The following VRK2 variants were observed in gnomAD, a reference collection of about 807,000 sequenced individuals.
VRK2 encodes the protein serine/threonine-protein kinase VRK2.
Under a neutral mutation model 57.6 loss-of-function variants are expected in VRK2, and 60 were observed. The ratio of observed to expected loss-of-function variants is 1.04; its 90% CI spans 0.85 to 1.29. The LOEUF (loss-of-function observed/expected upper bound fraction) is 1.29, where lower values mean the gene tolerates loss of function less well. Among genes scored for constraint, VRK2 ranks in the 50% most tolerant of loss-of-function variants. The pLI is 0.00. For synonymous variants in VRK2, 231 were observed against 199.2 expected, an observed-to-expected ratio of 1.16 and a Z score of -1.35; for missense variants, 705 against 588.1, an observed-to-expected ratio of 1.20 and a Z score of -2.06.
intron 1 of VRK2, among the ~76,000 whole-genome samples, chr2:57,972,167 T>C (rs1341259680): frequency 6.6e-6 from 1 of 151,824 alleles, no homozygotes; most frequent in Non-Finnish European, 1.5e-5. Flanking sequence ...AATATGGCAA[T>C]TGTGGGTGTT....
At chr2:58,112,364 C>T (rs1675695230) in intron 7 of VRK2, among the ~76,000 whole-genome samples, 1 of 152,196 alleles carries the variant, frequency 6.6e-6, no homozygotes. Flanking sequence ...TACTTCATTT[C>T]TTCCCTTCCT....
intron 2 of VRK2, among the ~76,000 whole-genome samples, chr2:58,029,081 G>A (rs2103691730): frequency 6.6e-6 from 1 of 151,474 alleles, no homozygotes; most frequent in South Asian, 2.1e-4. Flanking sequence ...TGGAAGATGA[G>A]AGGTCTAACT....
chr2:58,154,753 G>A (rs1683539781), intron 12 of VRK2: 2 of 716,836 alleles, frequency 2.8e-6, no homozygotes, highest in African/African-American at 1.8e-5. Context: ...CTTTTTTCCA[G>A]TTTAGGTAGA....
At chr2:58,073,151 C>T (rs919096822) in intron 2 of VRK2, among the ~76,000 whole-genome samples, 2 of 151,752 alleles carry the variant, frequency 1.3e-5, no homozygotes, top group South Asian at 2.1e-4. Flanking sequence ...TAATTTAATT[C>T]CATTTTGGTC....
intron 10 of VRK2, among the ~76,000 whole-genome samples, chr2:58,137,590 T>C (rs1680728002): frequency 6.6e-6 from 1 of 152,000 alleles, no homozygotes; most frequent in Non-Finnish European, 1.5e-5. Flanking sequence ...AGGTTGTGCT[T>C]AGGAAGAACA....
rs138186554 is a variant in VRK2, at chr2:58,077,739, T to C, written c.137-6350T>C. Among the ~76,000 whole-genome samples the C allele has an allele frequency of 2.0e-5, 3 of 152,158 alleles. No homozygotes were observed. The East Asian group carries it at 5.8e-4, about 29-fold the overall frequency. On this transcript the variant is annotated intron_variant, in intron 2 of 12. Transcript: ENST00000340157. ...AGTGATTCTTCTTCCTATTGAAAAA[T>C]AATGTGCGTACTGCCACAATTTACT...
chr2:57,994,761 C>T (rs1263576481), intron 1 of VRK2, among the ~76,000 whole-genome samples: 1 of 151,408 alleles, frequency 6.6e-6, no homozygotes, highest in Non-Finnish European at 1.5e-5. Flanking sequence ...GAAAAAAAAA[C>T]ATTTTTTAGT....
intron 1 of VRK2, among the ~76,000 whole-genome samples, chr2:57,974,743 T>A (rs1672196678): frequency 6.6e-6 from 1 of 151,368 alleles, no homozygotes; most frequent in African/African-American, 2.4e-5. Context: ...AAAACATACA[T>A]CAAAGGAAAT....
chr2:58,123,866 A>G (rs1170240836), intron 8 of VRK2, among the ~76,000 whole-genome samples: 1 of 152,096 alleles, frequency 6.6e-6, no homozygotes, highest in Non-Finnish European at 1.5e-5. Flanking sequence ...AAAAAAAAAA[A>G]AGTTGCACAT....
intron 7 of VRK2, among the ~76,000 whole-genome samples, chr2:58,094,726 A>G (rs1484967893): frequency 6.6e-6 from 1 of 152,166 alleles, no homozygotes; most frequent in Non-Finnish European, 1.5e-5. Context: ...TATTTATTTT[A>G]AAATATCTTT....
At chr2:58,042,578 G>T (rs1454710736), upstream of VRK2, among the ~76,000 whole-genome samples, 1 of 152,150 alleles carries the variant, frequency 6.6e-6, no homozygotes, top group Non-Finnish European at 1.5e-5. Context: ...TAATTGATTT[G>T]AAATGATCTT....
intron 3 of VRK2, among the ~76,000 whole-genome samples, chr2:58,039,720 T>C (rs745509225): frequency 6.6e-5 from 10 of 152,066 alleles, no homozygotes; most frequent in Non-Finnish European, 1.2e-4. Context: ...AATTTGAGTA[T>C]AACTGTGGAA....
chr2:57,923,525 T>C (rs1670426509), intron 1 of VRK2, among the ~76,000 whole-genome samples: 1 of 151,386 alleles, frequency 6.6e-6, no homozygotes, highest in African/African-American at 2.4e-5. Flanking sequence ...ATTTGTATGT[T>C]TTTTTTTTGA....
At chr2:58,003,290 A>T (rs1374876108) in intron 1 of VRK2, among the ~76,000 whole-genome samples, 2 of 152,160 alleles carry the variant, frequency 1.3e-5, no homozygotes, top group Non-Finnish European at 2.9e-5. Flanking sequence ...GGTTCCATAT[A>T]ATGTATCTTG....
chr2:57,995,979 A>G (rs1046532797), intron 1 of VRK2, among the ~76,000 whole-genome samples: 1 of 152,230 alleles, frequency 6.6e-6, no homozygotes, highest in Non-Finnish European at 1.5e-5. Context: ...GATTGAAAAT[A>G]TTTGGAAAAA....
At chr2:57,938,170 T>G (rs1459429536) in intron 1 of VRK2, among the ~76,000 whole-genome samples, 1 of 152,212 alleles carries the variant, frequency 6.6e-6, no homozygotes, top group African/African-American at 2.4e-5. Context: ...ACTTACCAAG[T>G]CAACTACACT....
chr2:58,036,741 G>A (rs1341818924), intron 3 of VRK2, among the ~76,000 whole-genome samples: 2 of 151,954 alleles, frequency 1.3e-5, no homozygotes, highest in Non-Finnish European at 2.9e-5. Flanking sequence ...AGTAGTTAGT[G>A]TCAGCCTCCT....
intron 7 of VRK2, among the ~76,000 whole-genome samples, chr2:58,104,826 TA>T (rs1280265722): frequency 1.3e-5 from 2 of 152,108 alleles, no homozygotes; most frequent in Admixed American, 1.3e-4. Context: ...AAGGCTATAG[TA>T]ACCAAAACAG....
At chr2:57,916,236 A>G (rs1670144661) in intron 1 of VRK2, among the ~76,000 whole-genome samples, 1 of 151,836 alleles carries the variant, frequency 6.6e-6, no homozygotes, top group Non-Finnish European at 1.5e-5. Flanking sequence ...GAGAAAACCC[A>G]TCTCTACTAA....
Sources: allele counts gnomAD v4.1 joint callset (sites outside exome capture counted in the v4.1 genomes callset), GRCh38; gene constraint gnomAD v4.1.1; transcripts MANE v1.5; gene names NCBI Gene and HGNC (gene_info 2026-07-23, HGNC 2026-07-21).